The following IWS1 variants were observed in gnomAD, a reference collection of about 807,000 sequenced individuals.
IWS1 encodes the protein interacts with SUPT6H, CTD assembly factor 1, also known as protein IWS1 homolog.
Under a neutral mutation model 86.7 loss-of-function variants are expected in IWS1, and 27 were observed. That is an observed-to-expected ratio of 0.31 (90% confidence interval 0.23 to 0.43). The LOEUF is 0.43. Among genes scored for constraint, IWS1 ranks in the 20% least tolerant of loss-of-function variants. The probability of loss-of-function intolerance (pLI) is 1.00; values close to 1 mark genes in which losing one functional copy is unlikely to be tolerated. For missense variants in IWS1, 827 were observed against 1,000.8 expected (o/e 0.83, Z 2.34); for synonymous variants, 313 against 335.1 (o/e 0.93, Z 0.72).
At chr2:127,523,917 T>C (rs1322442698) in intron 1 of IWS1, 126 bp from the exon 2 acceptor site, 1 of 652,560 alleles carries the variant, frequency 1.5e-6, no homozygotes, top group Non-Finnish European at 2.7e-6. Context: ...TTAACTAAAG[T>C]TGCTAATATT....
At chr2:127,510,654 G>A (rs575539441) in intron 2 of IWS1, among the ~76,000 whole-genome samples, 8 of 151,854 alleles carry the variant, frequency 5.3e-5, no homozygotes, top group South Asian at 2.1e-4. Context: ...CACCACGTCC[G>A]GATAATTTTT....
chr2:127,502,174 G>A (rs545404414), intron 5 of IWS1, among the ~76,000 whole-genome samples: 2 of 152,256 alleles, frequency 1.3e-5, no homozygotes, highest in East Asian at 3.9e-4. Flanking sequence ...TAAAATCTGA[G>A]CAAAGGCTAT....
At chr2:127,522,388 G>C (rs756315191) in intron 2 of IWS1, among the ~76,000 whole-genome samples, 5 of 152,004 alleles carry the variant, frequency 3.3e-5, no homozygotes, top group African/African-American at 1.2e-4. Context: ...TTTCTTCACA[G>C]CATTTGTTAT....
intron 2 of IWS1, among the ~76,000 whole-genome samples, chr2:127,519,663 G>A (rs1474751346): frequency 2.6e-5 from 4 of 152,120 alleles, no homozygotes; most frequent in East Asian, 3.8e-4. Context: ...AAATGTCCAC[G>A]TTCTAACCCT....
intron 2 of IWS1, chr2:127,511,549 C>A (rs988864606): frequency 2.0e-5 from 3 of 152,188 alleles, no homozygotes; most frequent in African/African-American, 7.2e-5. Context: ...CCCTTCATAT[C>A]CCCATGGCAT....
Position 127,496,108 on chromosome 2 carries a change from T to C in IWS1, c.1606A>G (p.Lys536Glu). 1 of 1,613,980 alleles carries C rather than the reference T, an allele frequency of 6.2e-7. No individual in the cohort carries two copies. Among genetic ancestry groups the C allele is most frequent in the East Asian group, 2.2e-5 (1 of 44,860 alleles). Reference sequence around the variant, plus strand: ...CTGCGCTTGCCACTCATGCTCTTTTTTCGCTGCAACATCATCTCAAAATCT... The same window carrying C: ...CTGCGCTTGCCACTCATGCTCTTTTCTCGCTGCAACATCATCTCAAAATCT... ...LSDFEMMLQR[K>E]KSMSGKRRRN... Residue 536 changes from lysine to glutamate, a missense_variant, in exon 7 of 14, where the codon AAA (lysine) becomes GAA (glutamate). Around this residue, in one of 2 missense-constraint regions of IWS1, gnomAD observed 279 missense variants for 440.6 expected, o/e 0.63. Transcript: ENST00000295321.
chr2:127,516,994 T>C (rs1386206381), intron 2 of IWS1, among the ~76,000 whole-genome samples: 1 of 152,164 alleles, frequency 6.6e-6, no homozygotes, highest in Non-Finnish European at 1.5e-5. Flanking sequence ...AATATGAATA[T>C]GAAATTAGTA....
chr2:127,526,546 A>C, upstream of IWS1: 1 of 1,435,620 alleles, frequency 7.0e-7, no homozygotes. Context: ...CAACCGGCCA[A>C]TGAGAAGACG....
intron 2 of IWS1, among the ~76,000 whole-genome samples, chr2:127,520,224 A>G (rs1310539606): frequency 6.6e-6 from 1 of 152,056 alleles, no homozygotes; most frequent in Admixed American, 6.6e-5. Context: ...GCTGGAGTGC[A>G]GTGGTGTGAT....
chr2:127,499,448 T>C lies in IWS1; in HGVS notation c.1468-1211A>G, dbSNP rs1690689046. 6.6e-6 allele frequency among the ~76,000 whole-genome samples: 1 copy of C among 152,232 alleles called. No homozygotes were observed. Among genetic ancestry groups the C allele is most frequent in the African/African-American group, 2.4e-5 (1 of 41,454 alleles). On this transcript the variant is annotated intron_variant, in intron 5 of 13. Coordinates refer to ENST00000295321, the MANE Select transcript of IWS1 (RefSeq NM_017969.3). The surrounding 1 kb of genome is among the most constrained non-coding windows in gnomAD (Gnocchi z 4.0). ...TCTTTTCTTTATAGTGTCTACCTTT[T>C]GTGTTATACTTAGAGGCTTTCTCAA...
rs1691027666 is a variant in IWS1 at position 127,504,825 on chromosome 2, A to C, written c.1078T>G (p.Phe360Val). The change falls in exon 3 of 14, where the codon TTT (phenylalanine) becomes GTT (valine). Residue 360 changes from phenylalanine to valine, a missense_variant. By Grantham distance (50) the Phe-to-Val change is conservative (BLOSUM62 -1). Around this residue, in one of 2 missense-constraint regions of IWS1, gnomAD observed 548 missense variants for 560.2 expected, o/e 0.98. Transcript: ENST00000295321. ...HSDSHMDRKK[F>V]HSSDSEEEEH... is the part of the protein sequence containing the mutation. ...TCCTCCTCACTATCAGAACTGTGAA[A>C]CTTTTTTCTGTCCATATGGCTGTCT... The C allele has an allele frequency of 1.2e-6, 2 of 1,613,934 alleles. No individual in the cohort carries two copies. Among genetic ancestry groups the C allele is most frequent in the African/African-American group, 2.7e-5 (2 of 74,880 alleles).
At chr2:127,518,557 C>T (rs888793778) in intron 2 of IWS1, among the ~76,000 whole-genome samples, 2 of 143,438 alleles carry the variant, frequency 1.4e-5, no homozygotes, top group African/African-American at 2.6e-5. Context: ...AAAGGACAGG[C>T]GATTCTTTTT....
chr2:127,499,385 C>A lies in IWS1; in HGVS notation c.1468-1148G>T, dbSNP rs940803892. On this transcript the variant is annotated intron_variant, in intron 5 of 13. Coordinates refer to ENST00000295321, the MANE Select transcript of IWS1 (RefSeq NM_017969.3). This position sits in a 1 kb window ranked among gnomAD's most constrained non-coding sequence, Gnocchi z 4.0. Reference sequence around the variant, plus strand: ...GATTACAGGCGTGAGCCACCGCGCCCGGCCAATTTTTCATTTTTATGTAAA... The same window carrying A: ...GATTACAGGCGTGAGCCACCGCGCCAGGCCAATTTTTCATTTTTATGTAAA... Among the ~76,000 whole-genome samples the A allele has an allele frequency of 2.6e-5, 4 of 152,116 alleles. No homozygotes were observed. The highest frequency in any genetic ancestry group is 2.6e-4 in the Admixed American group (4 of 15,270).
chr2:127,513,826 CTA>C (rs1691608610), intron 2 of IWS1, among the ~76,000 whole-genome samples: 1 of 152,194 alleles, frequency 6.6e-6, no homozygotes, highest in African/African-American at 2.4e-5. Context: ...TCAATCTCTT[CTA>C]TGTGTAAATT....
chr2:127,518,176 A>T (rs1217149748), intron 2 of IWS1, among the ~76,000 whole-genome samples: 3 of 152,212 alleles, frequency 2.0e-5, no homozygotes, highest in Non-Finnish European at 4.4e-5. Context: ...AATACTAAAG[A>T]TCACTGAATT....
chr2:127,496,550 T>C (rs113634599), intron 6 of IWS1, among the ~76,000 whole-genome samples: 14 of 140,426 alleles, frequency 1.0e-4, no homozygotes, highest in East Asian at 8.6e-4. Context: ...TATTTTATCA[T>C]ACACACACAC....
At chr2:127,524,861 T>C (rs913196317) in intron 1 of IWS1, among the ~76,000 whole-genome samples, 1 of 142,514 alleles carries the variant, frequency 7.0e-6, no homozygotes, top group African/African-American at 2.6e-5. Context: ...TCTGAAAGTA[T>C]CAGGAAAGTG....
At chr2:127,482,562 C>A (rs909774133) in intron 13 of IWS1, 1 of 152,228 alleles carries the variant, frequency 6.6e-6, no homozygotes, top group East Asian at 1.9e-4. Context: ...ACATCGGAAG[C>A]TTTACCTGCT....
Position 127,505,112 on chromosome 2 carries a change from T to C in IWS1, c.791A>G (p.Glu264Gly). The change falls in exon 3 of 14, where the codon GAA becomes GGA. Residue 264 changes from glutamate to glycine, a missense_variant. Physicochemically the swap from Glu to Gly is moderately conservative, Grantham distance 98 (BLOSUM62 -2). Transcript: ENST00000295321. This position sits in a 1 kb window ranked among gnomAD's most constrained non-coding sequence, Gnocchi z 5.0. ...TCGGGGTTTGGGAAGCTCTTCATTTTCTGAGTCACTGGCCTGGTGCCTCGG... is the reference window on the plus strand; with the variant it reads ...TCGGGGTTTGGGAAGCTCTTCATTTCCTGAGTCACTGGCCTGGTGCCTCGG... Reference protein sequence around the residue: ...DPPRHQASDSENEELPKPRIS... With the variant: ...DPPRHQASDSGNEELPKPRIS... 1 of 1,610,780 alleles carries C rather than the reference T, an allele frequency of 6.2e-7. No individual in the cohort carries two copies. The highest frequency in any genetic ancestry group is 1.1e-5 in the South Asian group (1 of 90,820).
Sources: gnomAD v4.1 joint callset for allele counts (sites outside exome capture counted in the v4.1 genomes callset) on GRCh38, gnomAD v4.1.1 for gene constraint, gnomAD v4.1.1 regional missense constraint, Gnocchi (gnomAD v3.1) non-coding constraint, MANE v1.5 for transcripts, NCBI Gene and HGNC (gene_info 2026-07-23, HGNC 2026-07-21) for gene names.